The following WWC1 variants were observed in gnomAD, a reference collection of about 807,000 sequenced individuals.
The protein encoded by WWC1 is protein KIBRA.
WWC1 carries 55 observed loss-of-function variants against 138.4 expected under a neutral mutation model. The observed-to-expected ratio is 0.40, with a 90% CI of 0.32 to 0.50. The LOEUF (loss-of-function observed/expected upper bound fraction) is 0.50, where lower values mean the gene tolerates loss of function less well. WWC1 is among the 20% of genes least tolerant of loss of function. The probability of loss-of-function intolerance (pLI) is 0.72; values close to 1 mark genes in which losing one functional copy is unlikely to be tolerated. For missense variants in WWC1, 1,226 were observed against 1,420.4 expected (o/e 0.86, Z 2.20); for synonymous variants, 524 against 564.9 (o/e 0.93, Z 1.03).
chr5:168,403,871 T>TACACACACACACACACACACACACAC (rs57788100), intron 5 of WWC1, among the ~76,000 whole-genome samples: 1 of 134,368 alleles, frequency 7.4e-6, no homozygotes, highest in Non-Finnish European at 1.6e-5. Flanking sequence ...AACACATGCA[T>TACACACACACACACACACACACACAC]ACACACACAC....
intron 2 of WWC1, among the ~76,000 whole-genome samples, chr5:168,376,142 C>T (rs1777149288): frequency 6.6e-6 from 1 of 151,964 alleles, no homozygotes; most frequent in Non-Finnish European, 1.5e-5. Context: ...CAACCTCCGC[C>T]TCCCGAGTTC....
intron 15 of WWC1, among the ~76,000 whole-genome samples, chr5:168,434,668 A>G (rs1192236337): frequency 6.6e-6 from 1 of 152,196 alleles, no homozygotes; most frequent in African/African-American, 2.4e-5. Context: ...GCTACTTCTC[A>G]GGGGGTTACT....
intron 1 of WWC1, among the ~76,000 whole-genome samples, chr5:168,326,381 C>T (rs969373178): frequency 3.9e-5 from 6 of 151,968 alleles, no homozygotes; most frequent in Non-Finnish European, 7.4e-5. Flanking sequence ...CCACGCCCAG[C>T]TAATTTTGTA....
intron 1 of WWC1, among the ~76,000 whole-genome samples, chr5:168,357,336 T>C (rs1775509970): frequency 6.9e-6 from 1 of 145,112 alleles, no homozygotes; most frequent in Non-Finnish European, 1.5e-5. Context: ...ACACACACTT[T>C]TTGGGCCAAC....
Position 168,453,959 on chromosome 5 carries a change from T to C in WWC1, c.2526-9T>C, listed in dbSNP as rs765283278. 1 of 1,611,950 alleles carries C rather than the reference T, an allele frequency of 6.2e-7. No homozygotes were observed. The highest frequency in any genetic ancestry group is 1.1e-5 in the South Asian group (1 of 90,890). On this transcript the variant is annotated splice_polypyrimidine_tract_variant and intron_variant, in intron 17 of 22. Coordinates refer to ENST00000265293, the MANE Select transcript of WWC1 (RefSeq NM_015238.3). Reference sequence around the variant, plus strand: ...CTGGGTGGGTAACCAAAGTGCTTTGTCATCACAGGAGGTATGAGGAGACCA... The same window carrying C: ...CTGGGTGGGTAACCAAAGTGCTTTGCCATCACAGGAGGTATGAGGAGACCA...
At chr5:168,411,735 C>T (rs1418493735) in intron 8 of WWC1, 1 of 153,010 alleles carries the variant, frequency 6.5e-6, no homozygotes, top group African/African-American at 2.4e-5. Context: ...ATAGTTTTAA[C>T]TAGCCTTGGG....
At chr5:168,297,745 A>G (rs993051536) in intron 1 of WWC1, among the ~76,000 whole-genome samples, 2 of 151,784 alleles carry the variant, frequency 1.3e-5, no homozygotes, top group South Asian at 4.2e-4. Context: ...TCTTTCTCTT[A>G]TATAAATTTT....
chr5:168,441,153 A>G (rs373554735), intron 15 of WWC1, among the ~76,000 whole-genome samples: 1 of 152,240 alleles, frequency 6.6e-6, no homozygotes, highest in East Asian at 1.9e-4. Flanking sequence ...GTTAAGTTCA[A>G]TAAGCCAGTC....
At chr5:168,413,256 G>C (rs1561728073) in intron 8 of WWC1, among the ~76,000 whole-genome samples, 1 of 152,196 alleles carries the variant, frequency 6.6e-6, no homozygotes, top group African/African-American at 2.4e-5. Context: ...GAGATGGGGT[G>C]GCCAGGGCGT....
intron 3 of WWC1, among the ~76,000 whole-genome samples, chr5:168,390,010 TC>T (rs1231212656): frequency 6.6e-6 from 1 of 152,202 alleles, no homozygotes; most frequent in Non-Finnish European, 1.5e-5. Flanking sequence ...CAATAAATAG[TC>T]CTATTGATAG....
chr5:168,444,677 G>A, intron 17 of WWC1, 92 bp downstream of exon 17: 1 of 1,380,530 alleles, frequency 7.2e-7, no homozygotes, highest in Non-Finnish European at 1.0e-6. Context: ...ACTAAGAGAA[G>A]GGTTCCACTG....
intron 15 of WWC1, 66 bp from the exon 16 acceptor site, chr5:168,441,616 A>G: frequency 1.9e-6 from 3 of 1,568,706 alleles, no homozygotes; most frequent in Non-Finnish European, 1.7e-6. Flanking sequence ...CTCTTGAACC[A>G]AATTCCCTGA....
In WWC1 at chr5:168,468,135, C is replaced by T. The variant is rs576612027; in HGVS notation, c.3275+171C>T. 9.8e-5 allele frequency among the ~76,000 whole-genome samples: 15 copies of T among 152,368 alleles called. No homozygotes were observed. In the East Asian group the frequency reaches 1.7e-3, roughly 18 times the overall value. On this transcript the variant is annotated intron_variant, in intron 22 of 22. Transcript: ENST00000265293. ...CCCTGGCGATCCATGAGCTCTGCAG[C>T]GCTCTTCCCTTGGCTGTCTTTATCA...
intron 17 of WWC1, among the ~76,000 whole-genome samples, chr5:168,447,014 T>A (rs1755335756): frequency 6.6e-5 from 10 of 152,208 alleles, no homozygotes; most frequent in Admixed American, 6.5e-4. Flanking sequence ...TTCTGACCGG[T>A]AAGACCTTAC....
chr5:168,459,254 CAAAAAAA>C (rs34453947), intron 19 of WWC1, among the ~76,000 whole-genome samples: 1 of 94,826 alleles, frequency 1.1e-5, no homozygotes, highest in African/African-American at 4.2e-5. Context: ...AACCCTGTCT[CAAAAAAA>C]AAAAAAAAAA....
Position 168,428,145 on chromosome 5 carries a change from G to A in WWC1, c.1919+4G>A, listed in dbSNP as rs771240441. 61 of 1,611,972 alleles carry A rather than the reference G, an allele frequency of 3.8e-5. No homozygotes were observed. Among genetic ancestry groups the A allele is most frequent in the Middle Eastern group, 1.6e-4 (1 of 6,070 alleles). On this transcript the variant is annotated splice_donor_region_variant and intron_variant, in intron 12 of 22. Coordinates refer to ENST00000265293, the MANE Select transcript of WWC1 (RefSeq NM_015238.3). Reference sequence around the variant, plus strand: ...TGTACGAGGCTTCCGTGCAGAGGTAGGTGTCTGGGTGCTGGCTCTCTCTGT... The same window carrying A: ...TGTACGAGGCTTCCGTGCAGAGGTAAGTGTCTGGGTGCTGGCTCTCTCTGT...
intron 1 of WWC1, among the ~76,000 whole-genome samples, chr5:168,312,752 T>A (rs1343075611): frequency 1.3e-5 from 2 of 151,862 alleles, no homozygotes; most frequent in Non-Finnish European, 2.9e-5. Context: ...TCAGGGGTCA[T>A]GTGGTGCCAA....
At chr5:168,336,131 GC>G (rs1561624258) in intron 1 of WWC1, among the ~76,000 whole-genome samples, 1 of 152,154 alleles carries the variant, frequency 6.6e-6, no homozygotes, top group Non-Finnish European at 1.5e-5. Flanking sequence ...GCTGCCCTCA[GC>G]CCACCTGGAT....
At chr5:168,338,820 C>T (rs1440648548) in intron 1 of WWC1, among the ~76,000 whole-genome samples, 1 of 152,058 alleles carries the variant, frequency 6.6e-6, no homozygotes, top group Non-Finnish European at 1.5e-5. Context: ...ACAGGGGATT[C>T]TAAAAGCTGC....
Sources: allele counts gnomAD v4.1 joint callset (sites outside exome capture counted in the v4.1 genomes callset), GRCh38; gene constraint gnomAD v4.1.1; transcripts MANE v1.5; gene names NCBI Gene and HGNC (gene_info 2026-07-23, HGNC 2026-07-21).